Variants in WDFY3 observed in about 807,000 individuals in gnomAD.
WDFY3 encodes the protein WD repeat and FYVE domain containing 3, also known as WD repeat and FYVE domain-containing protein 3.
A neutral mutation model predicts 409.6 loss-of-function variants in WDFY3; 66 were observed. That is an observed-to-expected ratio of 0.16 (90% CI 0.13 to 0.20). The LOEUF (loss-of-function observed/expected upper bound fraction) is 0.20. Among genes scored for constraint, WDFY3 ranks in the 10% least tolerant of loss-of-function variants. WDFY3 has a pLI of 1.00. For synonymous variants in WDFY3, 1,521 were observed against 1,537.1 expected, an observed-to-expected ratio of 0.99 and a Z score of 0.25; for missense variants, 3,031 against 4,298.1, an observed-to-expected ratio of 0.71 and a Z score of 8.24.
At chr4:84,770,833 A>G (rs1327277202) in intron 30 of WDFY3, among the ~76,000 whole-genome samples, 1 of 152,196 alleles carries the variant, frequency 6.6e-6, no homozygotes, top group East Asian at 1.9e-4. Flanking sequence ...TCCTTTTCTT[A>G]CTGCCACAGT....
intron 2 of WDFY3, among the ~76,000 whole-genome samples, chr4:84,897,837 T>C (rs1161621096): frequency 6.6e-6 from 1 of 152,172 alleles, no homozygotes; most frequent in Non-Finnish European, 1.5e-5. Context: ...AGAAACAGGA[T>C]CAAATATTGA....
At chr4:84,913,943 G>C (rs1768118206) in intron 2 of WDFY3, among the ~76,000 whole-genome samples, 1 of 152,086 alleles carries the variant, frequency 6.6e-6, no homozygotes, top group South Asian at 2.1e-4. Flanking sequence ...ATGTGAAGAT[G>C]ATGAGGATGA....
chr4:84,896,020 G>A (rs568782772), intron 3 of WDFY3, among the ~76,000 whole-genome samples: 12 of 152,282 alleles, frequency 7.9e-5, no homozygotes, highest in Admixed American at 5.9e-4. Flanking sequence ...CACTTTGGGA[G>A]GCCGAGGGGG....
intron 2 of WDFY3, among the ~76,000 whole-genome samples, chr4:84,918,687 A>G (rs1335588090): frequency 6.6e-6 from 1 of 151,926 alleles, no homozygotes; most frequent in Non-Finnish European, 1.5e-5. Flanking sequence ...CTCATTATAG[A>G]AAAAGGGAGA....
At chr4:84,714,943 C>A (rs1733592138) in intron 50 of WDFY3, among the ~76,000 whole-genome samples, 1 of 145,758 alleles carries the variant, frequency 6.9e-6, no homozygotes, top group South Asian at 2.1e-4. Flanking sequence ...GAACGAGACT[C>A]CGTCTCAAAA....
intron 2 of WDFY3, among the ~76,000 whole-genome samples, chr4:84,903,349 TCA>T (rs891831354): frequency 3.9e-5 from 6 of 152,170 alleles, no homozygotes; most frequent in Admixed American, 1.3e-4. Flanking sequence ...TTGTTGCTTC[TCA>T]CTCTATGGCA....
chr4:84,880,692 T>C (rs1763395955), intron 3 of WDFY3, among the ~76,000 whole-genome samples: 1 of 46,608 alleles, frequency 2.1e-5, no homozygotes, highest in Non-Finnish European at 4.8e-5. Context: ...TATATATATA[T>C]ATATATATAT....
chr4:84,935,850 CA>C (rs1227097826), intron 1 of WDFY3, among the ~76,000 whole-genome samples: 6 of 152,118 alleles, frequency 3.9e-5, no homozygotes, highest in African/African-American at 1.4e-4. Context: ...ACAAATGCTA[CA>C]AAATGATTTC....
chr4:84,758,636 T>C (rs1296346689), intron 32 of WDFY3, among the ~76,000 whole-genome samples: 2 of 152,064 alleles, frequency 1.3e-5, no homozygotes, highest in Non-Finnish European at 2.9e-5. Context: ...AAAGGAAAAA[T>C]TTATGTCTAG....
At chr4:84,774,017 G>C (rs912590023) in intron 29 of WDFY3, among the ~76,000 whole-genome samples, 2 of 152,152 alleles carry the variant, frequency 1.3e-5, no homozygotes, top group Admixed American at 1.3e-4. Flanking sequence ...ACTGCACCCG[G>C]CCCCCCAGGT....
chr4:84,912,554 A>G (rs1254645374), intron 2 of WDFY3, among the ~76,000 whole-genome samples: 1 of 152,236 alleles, frequency 6.6e-6, no homozygotes, highest in Non-Finnish European at 1.5e-5. Flanking sequence ...CTAAAGCTGC[A>G]GAATTTAATG....
intron 3 of WDFY3, among the ~76,000 whole-genome samples, chr4:84,891,576 G>C (rs1050402027): frequency 6.6e-6 from 1 of 152,004 alleles, no homozygotes; most frequent in Non-Finnish European, 1.5e-5. Flanking sequence ...AGATTCCGCA[G>C]AACACCATGA....
In WDFY3 at chr4:84,670,077, G is replaced by T. The variant is rs1298108337; in HGVS notation, c.*2791C>A. 1 of 152,616 alleles carries T rather than the reference G, an allele frequency of 6.6e-6. No homozygotes were observed. Among genetic ancestry groups the T allele is most frequent in the Non-Finnish European group, 1.5e-5 (1 of 68,034 alleles). 9.5% of individuals were successfully genotyped at this position (152,616 alleles called of 1,614,324 possible). ...CTACCAACTTTATACATAAGAAAGT[G>T]CAAAATAACTTATCTAGAGTGTTTT... On this transcript the variant is annotated 3_prime_UTR_variant, in exon 68 of 68. Coordinates refer to ENST00000295888, the MANE Select transcript of WDFY3 (RefSeq NM_014991.6).
In WDFY3 at chr4:84,820,097, T is replaced by G. The variant is rs779258823; in HGVS notation, c.1681A>C (p.Asn561His). ...ETLTVLLQGSNTNAGIFREFG... is the reference protein window; with the variant it reads ...ETLTVLLQGSHTNAGIFREFG... ...CTTTTTAAATTACCTGCATTTGTGT[T>G]TGATCCTTGAAGAAGCACTGTCAAG... is the stretch of plus-strand genomic sequence containing the variant. Residue 561 changes from asparagine (N) to histidine (H), a missense_variant, in exon 12 of 68, where the codon AAC becomes CAC. Asn to His is a moderately conservative substitution (Grantham distance 68, BLOSUM62 1). Coordinates refer to ENST00000295888, the MANE Select transcript of WDFY3 (RefSeq NM_014991.6). 12 of 1,601,668 alleles carry G rather than the reference T, an allele frequency of 7.5e-6. No individual in the cohort carries two copies. The highest frequency in any genetic ancestry group is 9.4e-6 in the Non-Finnish European group (11 of 1,173,452).
chr4:84,963,310 G>A (rs1314132256), intron 1 of WDFY3, among the ~76,000 whole-genome samples: 1 of 151,766 alleles, frequency 6.6e-6, no homozygotes, highest in Non-Finnish European at 1.5e-5. Context: ...TATAGTCCCA[G>A]CTACTTGGGT....
At chr4:84,765,731 G>T in intron 32 of WDFY3, 79 bp downstream of exon 32, 3 of 1,225,250 alleles carry the variant, frequency 2.4e-6, no homozygotes, top group South Asian at 2.7e-5. Context: ...AAACCGCAGA[G>T]GATAAGTTTA....
rs1475033501 is a variant in WDFY3 at position 84,762,029 on chromosome 4, T to G, written c.5188+3781A>C. Among the ~76,000 whole-genome samples, 6 of 152,144 alleles carry G rather than the reference T, an allele frequency of 3.9e-5. No individual in the cohort carries two copies. The South Asian group carries it at 8.3e-4, about 21-fold the overall frequency. ...CACTGTTGGTGGGACTGTAAACTAG[T>G]TCAACCATTGTGGAAGTCAGTGTGG... On this transcript the variant is annotated intron_variant, in intron 32 of 67. Coordinates refer to ENST00000295888, the MANE Select transcript of WDFY3 (RefSeq NM_014991.6).
chr4:84,932,202 C>T (rs184127757), intron 2 of WDFY3, 68 bp downstream of exon 2: 6 of 152,162 alleles, frequency 3.9e-5, no homozygotes, highest in South Asian at 2.1e-4. Context: ...TGCACAATAA[C>T]GCAGCAAAGA....
chr4:84,712,523 C>A (rs1023716432), intron 51 of WDFY3, among the ~76,000 whole-genome samples: 9 of 151,888 alleles, frequency 5.9e-5, no homozygotes, highest in Admixed American at 2.0e-4. Context: ...TAGTTTGAGA[C>A]CAGCCTGACC....
Sources: gnomAD v4.1 joint callset for allele counts (sites outside exome capture counted in the v4.1 genomes callset) on GRCh38, gnomAD v4.1.1 for gene constraint, MANE v1.5 for transcripts, NCBI Gene and HGNC (gene_info 2026-07-23, HGNC 2026-07-21) for gene names.